REL: variants seen among roughly 807,000 people sequenced by gnomAD.
REL encodes REL proto-oncogene, NF-kB subunit.
Under a neutral mutation model 45.9 loss-of-function variants are expected in REL, and 15 were observed. The ratio of observed to expected loss-of-function variants is 0.33; its 90% CI spans 0.22 to 0.50. The LOEUF (loss-of-function observed/expected upper bound fraction) is 0.50, where lower values mean the gene tolerates loss of function less well. Ranked by LOEUF, REL falls within the 20% of genes least tolerant of loss-of-function variation. REL has a pLI of 0.98. For synonymous variants in REL, 239 were observed against 242.1 expected, an observed-to-expected ratio of 0.99 and a Z score of 0.12; for missense variants, 601 against 715.2, an observed-to-expected ratio of 0.84 and a Z score of 1.82.
intron 4 of REL, among the ~76,000 whole-genome samples, chr2:60,910,488 A>C (rs1188448469): frequency 9.9e-5 from 15 of 151,758 alleles, no homozygotes; most frequent in South Asian, 4.1e-4. Context: ...AAAACAAAAA[A>C]AAAAAAAACA....
chr2:60,884,237 C>T (rs1673017418), intron 1 of REL, among the ~76,000 whole-genome samples: 1 of 151,786 alleles, frequency 6.6e-6, no homozygotes, highest in Non-Finnish European at 1.5e-5. Flanking sequence ...CATTTCTTAC[C>T]AGATGTCATA....
rs1674146433 is a variant in REL, at chr2:60,921,780, C to CATG, written c.1013_1015dup (p.Asp338dup). 6.2e-7 allele frequency: 1 copy of CATG among 1,600,470 alleles called. No homozygotes were observed. The highest frequency in any genetic ancestry group is 8.5e-7 in the Non-Finnish European group (1 of 1,169,786). ...TCCCACAGAACCAAACTTGTTTTCT[C>CATG]ATGATGCAGTTGTGAGAGAAATGCC... On this transcript the variant is annotated inframe_insertion, in exon 10 of 10. Transcript: ENST00000394479.
At chr2:60,902,603 T>G (rs556672346) in intron 4 of REL, among the ~76,000 whole-genome samples, 1 of 151,128 alleles carries the variant, frequency 6.6e-6, no homozygotes, top group South Asian at 2.1e-4. Flanking sequence ...ATCTTTTTTT[T>G]TTTTTTTTTT....
intron 4 of REL, among the ~76,000 whole-genome samples, chr2:60,910,482 C>CAAAAAAAAAAAAAAAAAAAAAAAAAAA (rs11311284): frequency 7.2e-6 from 1 of 138,352 alleles, no homozygotes; most frequent in Non-Finnish European, 1.5e-5. Context: ...AAACAAAAAA[C>CAAAAAAAAAAAAAAAAAAAAAAAAAAA]AAAAAAAAAA....
chr2:60,892,040 C>T (rs1673228519), intron 2 of REL, among the ~76,000 whole-genome samples: 1 of 151,960 alleles, frequency 6.6e-6, no homozygotes, highest in African/African-American at 2.4e-5. Context: ...TTCCCCACTG[C>T]AGATAGTTCT....
chr2:60,891,619 T>C, intron 1 of REL, 64 bp from the exon 2 acceptor site: 1 of 1,345,698 alleles, frequency 7.4e-7, no homozygotes, highest in South Asian at 1.7e-5. Context: ...AAACAGAATG[T>C]TAAAATCCAT....
intron 1 of REL, among the ~76,000 whole-genome samples, chr2:60,886,525 G>A (rs533554691): frequency 6.6e-6 from 1 of 151,978 alleles, no homozygotes; most frequent in Non-Finnish European, 1.5e-5. Context: ...GTTTTATCAT[G>A]TGTAAGATGG....
rs34038794 is a variant in REL, at chr2:60,917,680, CTGTGTGTGTGTGTGTGTGTG to C, written c.536-495_536-476del. Among the ~76,000 whole-genome samples, 33 of 142,318 alleles carry C rather than the reference CTGTGTGTGTGTGTGTGTGTG, an allele frequency of 2.3e-4. 1 individual carries two copies. Among genetic ancestry groups the C allele is most frequent in the African/African-American group, 8.7e-4 (33 of 37,832 alleles). 93.4% of individuals were successfully genotyped at this position (142,318 alleles called of 152,430 possible). ...GATTATGAAACTTTCCCCCAAAATA[CTGTGTGTGTGTGTGTGTGTG>C]TGTGTGTGTGTGTGTACGTGTGTGT... On this transcript the variant is annotated intron_variant, in intron 5 of 9. Coordinates refer to ENST00000394479, the MANE Select transcript of REL (RefSeq NM_001291746.2).
rs2104000032 is a variant in REL, at chr2:60,927,814, C to T, written c.*5279C>T. ...TTATGTATGTTAACACCCATGTCAC[C>T]ACCATGTTTAGGACATTTCCAGCAC... On this transcript the variant is annotated 3_prime_UTR_variant, in exon 10 of 10. Coordinates refer to ENST00000394479, the MANE Select transcript of REL (RefSeq NM_001291746.2). The T allele has an allele frequency of 4.4e-6, 1 of 227,796 alleles. No individual in the cohort carries two copies. The highest frequency in any genetic ancestry group is 6.3e-5 in the East Asian group (1 of 15,978). 14.1% of individuals were successfully genotyped at this position (227,796 alleles called of 1,614,324 possible). A position where few individuals can be genotyped will look rare whatever the true frequency, so the allele number is the denominator to read the frequency against.
chr2:60,916,055 ATGACT>A (rs1673953822), intron 4 of REL, among the ~76,000 whole-genome samples: 1 of 152,224 alleles, frequency 6.6e-6, no homozygotes, highest in East Asian at 1.9e-4. Flanking sequence ...TCTAAATTTA[ATGACT>A]TGAGTTCACA....
intron 3 of REL, chr2:60,900,575 G>T: frequency 6.2e-6 from 1 of 162,010 alleles, no homozygotes. Flanking sequence ...CCAGGCTGGA[G>T]TGCAATGGCG....
At chr2:60,910,352 C>G (rs2103965789) in intron 4 of REL, among the ~76,000 whole-genome samples, 1 of 151,612 alleles carries the variant, frequency 6.6e-6, no homozygotes, top group South Asian at 2.1e-4. Context: ...GTAGTCCCAG[C>G]TACTCGGGAG....
intron 4 of REL, among the ~76,000 whole-genome samples, chr2:60,901,686 C>T (rs1038616769): frequency 1.3e-5 from 2 of 152,058 alleles, no homozygotes; most frequent in African/African-American, 2.4e-5. Flanking sequence ...TTCCTTATGC[C>T]ACTTCCAGCA....
chr2:60,891,946 T>TC (rs1188170985), intron 2 of REL, 121 bp downstream of exon 2: 6 of 1,032,222 alleles, frequency 5.8e-6, no homozygotes, highest in Non-Finnish European at 6.8e-6. Flanking sequence ...TTTTCTTTTT[T>TC]CCTTTTTTTT....
intron 4 of REL, among the ~76,000 whole-genome samples, chr2:60,909,897 A>G (rs755162615): frequency 6.6e-6 from 1 of 152,094 alleles, no homozygotes; most frequent in East Asian, 1.9e-4. Flanking sequence ...GCAAGACTCC[A>G]TCTCAAAAAA....
At chr2:60,914,503 TTTTC>T (rs1321820887) in intron 4 of REL, among the ~76,000 whole-genome samples, 3 of 151,984 alleles carry the variant, frequency 2.0e-5, no homozygotes, top group Admixed American at 2.0e-4. Flanking sequence ...GTTTGTTTAT[TTTTC>T]TTTTATGTGC....
chr2:60,919,948 C>A, intron 7 of REL, 93 bp from the exon 8 acceptor site: 1 of 778,170 alleles, frequency 1.3e-6, no homozygotes, highest in South Asian at 1.7e-5. Context: ...TTATTGAAAA[C>A]ATTTTCTATA....
chr2:60,926,663 G>A lies in REL; in HGVS notation c.*4128G>A, dbSNP rs1674275498. The A allele has an allele frequency of 4.4e-6, 1 of 229,002 alleles. No homozygotes were observed. Among genetic ancestry groups the A allele is most frequent in the Non-Finnish European group, 8.7e-6 (1 of 115,590 alleles). The allele number at this position is 229,002 out of a possible 1,614,324, so 14.2% of individuals were successfully genotyped here. ...TGCTACCTGAATGTCCTGATAAACT[G>A]GCTCGCTCTCTTCTTTACCTTCCAT... On this transcript the variant is annotated 3_prime_UTR_variant, in exon 10 of 10. Coordinates refer to ENST00000394479, the MANE Select transcript of REL (RefSeq NM_001291746.2).
intron 1 of REL, among the ~76,000 whole-genome samples, chr2:60,891,279 T>C (rs1673203545): frequency 6.6e-6 from 1 of 152,252 alleles, no homozygotes; most frequent in Admixed American, 6.5e-5. Flanking sequence ...TAACTCACTT[T>C]AGGAGTGTGA....
Sources: gnomAD v4.1 joint callset for allele counts (sites outside exome capture counted in the v4.1 genomes callset) on GRCh38, gnomAD v4.1.1 for gene constraint, MANE v1.5 for transcripts, NCBI Gene and HGNC (gene_info 2026-07-23, HGNC 2026-07-21) for gene names.